Variants in PTPRD observed in about 807,000 individuals in gnomAD.
PTPRD encodes the protein protein tyrosine phosphatase receptor type D.
Under a neutral mutation model 214.5 loss-of-function variants are expected in PTPRD, and 34 were observed. The ratio of observed to expected loss-of-function variants is 0.16; its 90% CI spans 0.12 to 0.21. PTPRD has a LOEUF of 0.21. PTPRD is among the 10% of genes least tolerant of loss of function. The probability of loss-of-function intolerance (pLI) is 1.00; values close to 1 mark genes in which losing one functional copy is unlikely to be tolerated. For synonymous variants in PTPRD, 1,128 were observed against 845.7 expected (o/e 1.33, Z -5.79); for missense variants, 2,545 against 2,398.7 (o/e 1.06, Z -1.27).
chr9:8,333,041 C>G (rs183583248), intron 43 of PTPRD, among the ~76,000 whole-genome samples: 11 of 152,242 alleles, frequency 7.2e-5, no homozygotes, highest in Non-Finnish European at 8.8e-5. Flanking sequence ...CACTCATCAC[C>G]TCGCCTGGTG....
At chr9:10,311,050 T>C (rs936206330) in intron 3 of PTPRD, among the ~76,000 whole-genome samples, 6 of 152,060 alleles carry the variant, frequency 3.9e-5, no homozygotes, top group African/African-American at 1.4e-4. Flanking sequence ...AGATCCAACT[T>C]TGCATATTCA....
chr9:9,555,529 A>C (rs996849378), intron 8 of PTPRD, among the ~76,000 whole-genome samples: 6 of 152,092 alleles, frequency 3.9e-5, no homozygotes, highest in Non-Finnish European at 8.8e-5. Flanking sequence ...TAATTACATG[A>C]CACTTCATAT....
At chr9:8,577,253 T>A (rs562788987) in intron 14 of PTPRD, among the ~76,000 whole-genome samples, 1 of 150,264 alleles carries the variant, frequency 6.7e-6, no homozygotes, top group South Asian at 2.1e-4. Context: ...GTTTGTTTGT[T>A]TATTTATTTA....
At chr9:9,646,172 T>A (rs76108352) in intron 7 of PTPRD, among the ~76,000 whole-genome samples, 3,981 of 152,268 alleles carry the variant, frequency 0.026, 179 homozygotes, top group African/African-American at 0.092. Context: ...AAGTTTGTTT[T>A]TTGAGGGTCT....
intron 10 of PTPRD, among the ~76,000 whole-genome samples, chr9:9,074,753 T>C (rs1039090677): frequency 2.0e-5 from 3 of 152,000 alleles, no homozygotes; most frequent in Non-Finnish European, 4.4e-5. Context: ...CCTTGTATAT[T>C]CTGATTATTA....
intron 4 of PTPRD, among the ~76,000 whole-genome samples, chr9:10,010,495 G>A (rs888316553): frequency 6.6e-6 from 1 of 151,660 alleles, no homozygotes; most frequent in East Asian, 1.9e-4. Flanking sequence ...GGAAAATGAG[G>A]GAGGACTTAT....
chr9:10,068,999 TC>T (rs2097939584), intron 3 of PTPRD, among the ~76,000 whole-genome samples: 1 of 152,052 alleles, frequency 6.6e-6, no homozygotes, highest in African/African-American at 2.4e-5. Context: ...ATCATTATAA[TC>T]TTTGCCCTTC....
In PTPRD at chr9:9,433,866, G is replaced by A. The variant is rs2084164289; in HGVS notation, c.-236-36384C>T. Among the ~76,000 whole-genome samples, 3 of 152,160 alleles carry A rather than the reference G, an allele frequency of 2.0e-5. No individual in the cohort carries two copies. The South Asian group carries it at 6.2e-4, about 32-fold the overall frequency. ...GTGTCAAATAAAGTTGTATCTGATA[G>A]AGACAGATCTGCAACATTCCTAACA... On this transcript the variant is annotated intron_variant, in intron 8 of 45. Coordinates refer to ENST00000381196, the MANE Select transcript of PTPRD (RefSeq NM_002839.4).
Position 9,714,239 on chromosome 9 carries a change from T to C in PTPRD, c.-287+20294A>G, listed in dbSNP as rs553306257. 7.9e-5 allele frequency among the ~76,000 whole-genome samples: 12 copies of C among 152,284 alleles called. No homozygotes were observed. The South Asian group carries it at 2.3e-3, about 29-fold the overall frequency. On this transcript the variant is annotated intron_variant, in intron 7 of 45. Coordinates refer to ENST00000381196, the MANE Select transcript of PTPRD (RefSeq NM_002839.4). ...CCATGGGGCTATAGCACATGTTGTC[T>C]TGTAACTGTTTTTCAGAGAAGGGTC... is the stretch of plus-strand genomic sequence containing the variant.
At chr9:9,866,618 AAGG>A (rs1250072812) in intron 5 of PTPRD, among the ~76,000 whole-genome samples, 1 of 152,156 alleles carries the variant, frequency 6.6e-6, no homozygotes, top group Non-Finnish European at 1.5e-5. Flanking sequence ...TGAAAAGTAG[AAGG>A]AGAATATGTT....
chr9:8,554,197 A>G (rs1055075166), intron 14 of PTPRD, among the ~76,000 whole-genome samples: 3 of 152,194 alleles, frequency 2.0e-5, no homozygotes, highest in African/African-American at 7.2e-5. Flanking sequence ...CAAACAAAAC[A>G]AAACAAAACA....
intron 8 of PTPRD, among the ~76,000 whole-genome samples, chr9:9,415,097 A>G (rs552302650): frequency 6.6e-6 from 1 of 152,338 alleles, no homozygotes; most frequent in East Asian, 1.9e-4. Context: ...TTATGTAGTC[A>G]GTCTTGCTCA....
At position 8,500,844 on chromosome 9, in the gene PTPRD, AT is replaced by A. The variant is rs1476255325; in HGVS notation, c.2037del (p.Lys679AsnfsTer9). 1 of 1,614,094 alleles carries A rather than the reference AT, an allele frequency of 6.2e-7. No homozygotes were observed. The highest frequency in any genetic ancestry group is 8.5e-7 in the Non-Finnish European group (1 of 1,180,010). On this transcript the variant is annotated frameshift_variant, in exon 24 of 46. Transcript: ENST00000381196. LOFTEE classifies it high-confidence loss of function. ...TTKYLLEQLE[K>X]WTEYRITVTA... ...GTCACAGTGATCCGGTATTCAGTCCATTTTTCCAGCTGTTCCAAAAGGTATT... is the reference window on the plus strand; with the variant it reads ...GTCACAGTGATCCGGTATTCAGTCCATTTTCCAGCTGTTCCAAAAGGTATT...
chr9:9,317,365 T>G (rs1963819886), intron 9 of PTPRD, among the ~76,000 whole-genome samples: 1 of 152,210 alleles, frequency 6.6e-6, no homozygotes, highest in Non-Finnish European at 1.5e-5. Flanking sequence ...CATGTCAAAC[T>G]CAATATTTCT....
At chr9:8,914,947 G>T (rs10116608) in intron 11 of PTPRD, among the ~76,000 whole-genome samples, 2,051 of 152,180 alleles carry the variant, frequency 0.013, 39 homozygotes, top group African/African-American at 0.044. Context: ...TACCAGATAT[G>T]TGATGAAAGC....
chr9:10,088,421 G>C (rs1044014911), intron 3 of PTPRD, among the ~76,000 whole-genome samples: 6 of 151,718 alleles, frequency 4.0e-5, no homozygotes, highest in Admixed American at 3.9e-4. Context: ...CTTATGATCA[G>C]ATAATAGGAC....
At chr9:10,384,970 G>A (rs1019388071) in intron 2 of PTPRD, among the ~76,000 whole-genome samples, 2 of 151,462 alleles carry the variant, frequency 1.3e-5, no homozygotes, top group African/African-American at 2.4e-5. Context: ...CACTTCCCTG[G>A]CTTCTCCTCT....
chr9:9,558,159 T>G (rs1437881246), intron 8 of PTPRD, among the ~76,000 whole-genome samples: 1 of 152,132 alleles, frequency 6.6e-6, no homozygotes, highest in Non-Finnish European at 1.5e-5. Flanking sequence ...GCGCCCACCA[T>G]GTCAAGCCAT....
intron 5 of PTPRD, among the ~76,000 whole-genome samples, chr9:9,928,682 C>T (rs544914802): frequency 1.9e-4 from 29 of 151,500 alleles, no homozygotes; most frequent in African/African-American, 6.3e-4. Context: ...GATACCTGAC[C>T]TTGTATTTGG....
Sources: gnomAD v4.1 joint callset for allele counts (sites outside exome capture counted in the v4.1 genomes callset) on GRCh38, gnomAD v4.1.1 for gene constraint, MANE v1.5 for transcripts, NCBI Gene and HGNC (gene_info 2026-07-23, HGNC 2026-07-21) for gene names.